The following DSCAM variants were observed in gnomAD, a reference collection of about 807,000 sequenced individuals.
The protein encoded by DSCAM is cell adhesion molecule DSCAM.
In DSCAM, 47 loss-of-function variants were observed where a neutral mutation model predicts 217.7. The ratio of observed to expected loss-of-function variants is 0.22; its 90% CI spans 0.17 to 0.28. The LOEUF is 0.28. Ranked by LOEUF, DSCAM falls within the 10% of genes least tolerant of loss-of-function variation. The pLI is 1.00. For missense variants in DSCAM, 2,080 were observed against 2,618.3 expected, an observed-to-expected ratio of 0.79 and a Z score of 4.49; for synonymous variants, 1,056 against 1,015.3, an observed-to-expected ratio of 1.04 and a Z score of -0.76.
At chr21:40,460,070 T>C (rs2075794080) in intron 3 of DSCAM, among the ~76,000 whole-genome samples, 1 of 152,106 alleles carries the variant, frequency 6.6e-6, no homozygotes, top group African/African-American at 2.4e-5. Flanking sequence ...AAGTGGGAGC[T>C]GAACAATGAG....
rs374052347 is a variant in DSCAM, at chr21:40,485,391, C to T, written c.509-116146G>A. 1.1e-3 allele frequency among the ~76,000 whole-genome samples: 167 copies of T among 151,878 alleles called. No individual in the cohort carries two copies. In the East Asian group the frequency reaches 0.017, roughly 15 times the overall value. ...CCGAGTAGCTGGGACTACAGGCGCCCGCCACCGCGCCCGGCTAATTTTTTG... is the reference window on the plus strand; with the variant it reads ...CCGAGTAGCTGGGACTACAGGCGCCTGCCACCGCGCCCGGCTAATTTTTTG... On this transcript the variant is annotated intron_variant, in intron 3 of 32. Transcript: ENST00000400454.
At position 40,420,001 on chromosome 21, in the gene DSCAM, A is replaced by C. The variant is rs766768537; in HGVS notation, c.509-50756T>G. On this transcript the variant is annotated intron_variant, in intron 3 of 32. Transcript: ENST00000400454. ...ACTGAAGGAATGCTTTTGAGTCATT[A>C]GAGAAAAAGTGGTTATGAAAATGAC... 2.0e-5 allele frequency among the ~76,000 whole-genome samples: 3 copies of C among 152,310 alleles called. No individual in the cohort carries two copies. The South Asian group carries it at 6.2e-4, about 32-fold the overall frequency.
intron 1 of DSCAM, among the ~76,000 whole-genome samples, chr21:40,772,821 C>A (rs773585965): frequency 1.3e-4 from 20 of 152,242 alleles, no homozygotes; most frequent in Non-Finnish European, 2.4e-4. Flanking sequence ...GGGCCCGTAA[C>A]AAATTCCATA....
chr21:40,738,620 A>G (rs963836088), intron 1 of DSCAM, among the ~76,000 whole-genome samples: 2 of 152,168 alleles, frequency 1.3e-5, no homozygotes, highest in Non-Finnish European at 2.9e-5. Flanking sequence ...GTGGAGGTCA[A>G]TTAGAATCAC....
chr21:40,821,831 G>A (rs774329344), intron 1 of DSCAM, among the ~76,000 whole-genome samples: 5 of 152,010 alleles, frequency 3.3e-5, no homozygotes, highest in Non-Finnish European at 7.4e-5. Flanking sequence ...TGGGCACATA[G>A]AGAGGAACAA....
At chr21:40,443,472 A>G (rs1450383399) in intron 3 of DSCAM, among the ~76,000 whole-genome samples, 3 of 152,156 alleles carry the variant, frequency 2.0e-5, no homozygotes, top group African/African-American at 7.2e-5. Flanking sequence ...GATTCCATTC[A>G]TGGTGGTCTG....
At chr21:40,370,568 T>G (rs951922845) in intron 3 of DSCAM, among the ~76,000 whole-genome samples, 1 of 152,188 alleles carries the variant, frequency 6.6e-6, no homozygotes, top group Admixed American at 6.5e-5. Context: ...GGTCATTTTC[T>G]GCAGTAACTA....
At chr21:40,017,798 C>CT (rs2088190777) in intron 32 of DSCAM, among the ~76,000 whole-genome samples, 1 of 152,170 alleles carries the variant, frequency 6.6e-6, no homozygotes, top group South Asian at 2.1e-4. Context: ...GTGATCCACC[C>CT]GCCTCAGCCT....
chr21:40,448,835 T>C (rs770956566), intron 3 of DSCAM, among the ~76,000 whole-genome samples: 35 of 152,310 alleles, frequency 2.3e-4, no homozygotes, highest in Non-Finnish European at 4.1e-4. Flanking sequence ...TCATATTTAT[T>C]TTGTTTTCTT....
chr21:40,684,641 T>G (rs55772235), intron 3 of DSCAM, among the ~76,000 whole-genome samples: 57,446 of 152,100 alleles, frequency 0.38, 11,667 homozygotes, highest in Non-Finnish European at 0.45. Context: ...TTATTCTGAG[T>G]CAAAAATTAT....
intron 1 of DSCAM, among the ~76,000 whole-genome samples, chr21:40,838,798 A>G (rs998141127): frequency 3.3e-5 from 5 of 152,152 alleles, no homozygotes; most frequent in African/African-American, 1.2e-4. Flanking sequence ...GGTTCTTTAT[A>G]AGACAAAAGG....
intron 3 of DSCAM, among the ~76,000 whole-genome samples, chr21:40,406,642 G>A (rs1399179410): frequency 6.6e-6 from 1 of 152,210 alleles, no homozygotes; most frequent in Non-Finnish European, 1.5e-5. Context: ...CCAGGCTGGA[G>A]TGCAGTGGCA....
chr21:40,043,644 T>A (rs2088795170), intron 31 of DSCAM, among the ~76,000 whole-genome samples: 4 of 152,240 alleles, frequency 2.6e-5, no homozygotes, highest in Admixed American at 2.6e-4. Flanking sequence ...CGGATCAGCC[T>A]GTGTTCCCTA....
chr21:40,072,439 C>G (rs978428675), intron 27 of DSCAM, among the ~76,000 whole-genome samples: 12 of 151,782 alleles, frequency 7.9e-5, no homozygotes, highest in African/African-American at 2.7e-4. Context: ...CTCCGCCTCC[C>G]AGGTTCAAGC....
Position 40,101,787 on chromosome 21 carries a change from G to A in DSCAM, c.3697-7913C>T, listed in dbSNP as rs565862499. On this transcript the variant is annotated intron_variant, in intron 20 of 32. Coordinates refer to ENST00000400454, the MANE Select transcript of DSCAM (RefSeq NM_001389.5). ...CATGGTTTTTACTGTGGGAGGTGGTGGGGGGGGGTCCAGGCAGACACTGCT... is the reference window on the plus strand; with the variant it reads ...CATGGTTTTTACTGTGGGAGGTGGTAGGGGGGGGTCCAGGCAGACACTGCT... Among the ~76,000 whole-genome samples the A allele has an allele frequency of 4.7e-5, 7 of 148,840 alleles. No individual in the cohort carries two copies. The South Asian group carries it at 6.5e-4, about 14-fold the overall frequency.
At chr21:40,357,146 G>C (rs1172189725) in intron 4 of DSCAM, among the ~76,000 whole-genome samples, 3 of 152,142 alleles carry the variant, frequency 2.0e-5, no homozygotes, top group African/African-American at 7.2e-5. Context: ...GGCTCCAGAA[G>C]GCAAGAGAGA....
At chr21:40,032,568 T>C (rs1165552499) in intron 32 of DSCAM, among the ~76,000 whole-genome samples, 1 of 152,154 alleles carries the variant, frequency 6.6e-6, no homozygotes, top group Non-Finnish European at 1.5e-5. Context: ...GGAGTGAAGA[T>C]TCATTTACCA....
rs2090739001 is a variant in DSCAM at position 40,176,898 on chromosome 21, G to A, written c.2947+2029C>T. Among the ~76,000 whole-genome samples the A allele has an allele frequency of 2.0e-5, 3 of 152,362 alleles. No homozygotes were observed. In the South Asian group the frequency reaches 6.2e-4, roughly 32 times the overall value. On this transcript the variant is annotated intron_variant, in intron 15 of 32. Transcript: ENST00000400454. ...GGAGAGAGCTGCTTCCATGGCAACT[G>A]CCAGCCGCAGCAGAGGTCACAGAGG... is the stretch of plus-strand genomic sequence containing the variant.
At chr21:40,407,751 T>C (rs2123789095) in intron 3 of DSCAM, among the ~76,000 whole-genome samples, 1 of 152,306 alleles carries the variant, frequency 6.6e-6, no homozygotes, top group Non-Finnish European at 1.5e-5. Context: ...TCAGACCCAG[T>C]CCAGGTGACA....
Sources: allele counts gnomAD v4.1 joint callset (sites outside exome capture counted in the v4.1 genomes callset), GRCh38; gene constraint gnomAD v4.1.1; transcripts MANE v1.5; gene names NCBI Gene and HGNC (gene_info 2026-07-23, HGNC 2026-07-21).